Variants in RPS6KC1 observed in about 807,000 individuals in gnomAD.
The protein encoded by RPS6KC1 is inactive ribosomal protein S6 kinase delta-1.
In RPS6KC1, 54 loss-of-function variants were observed where a neutral mutation model predicts 103.8. The ratio of observed to expected loss-of-function variants is 0.52; its 90% confidence interval spans 0.42 to 0.65. The LOEUF (loss-of-function observed/expected upper bound fraction) is 0.65. Ranked by LOEUF, RPS6KC1 falls within the 30% of genes least tolerant of loss-of-function variation. The pLI, the probability that RPS6KC1 is intolerant of heterozygous loss-of-function variation, is 0.00. For synonymous variants in RPS6KC1, 439 were observed against 438.7 expected, an observed-to-expected ratio of 1.00 and a Z score of -0.01; for missense variants, 1,151 against 1,253.8, an observed-to-expected ratio of 0.92 and a Z score of 1.24.
the RPS6KC1 span, among the ~76,000 whole-genome samples, chr1:213,334,465 G>A: frequency 6.6e-6 from 1 of 152,200 alleles, no homozygotes; most frequent in Non-Finnish European, 1.5e-5. Flanking sequence ...CAAATGAAAT[G>A]TATCAGCAAC....
chr1:213,771,873 G>A, the RPS6KC1 span, among the ~76,000 whole-genome samples: 7,541 of 152,246 alleles, frequency 0.05, 243 homozygotes, highest in Non-Finnish European at 0.07. Context: ...AGAAGCGAAG[G>A]TATTGCTTAA....
the RPS6KC1 span, among the ~76,000 whole-genome samples, chr1:213,403,428 G>A: frequency 1.3e-5 from 2 of 152,126 alleles, no homozygotes; most frequent in Non-Finnish European, 2.9e-5. Context: ...CCTTTAGGCC[G>A]AGGATAGTAA....
the RPS6KC1 span, among the ~76,000 whole-genome samples, chr1:213,841,723 A>G: frequency 6.6e-6 from 1 of 152,192 alleles, no homozygotes. Context: ...CAGTTTCTTA[A>G]TGATAAAATC....
chr1:213,486,048 T>G, the RPS6KC1 span, among the ~76,000 whole-genome samples: 1 of 152,216 alleles, frequency 6.6e-6, no homozygotes, highest in Non-Finnish European at 1.5e-5. Context: ...ATCATCAGCT[T>G]GATAGTCTAA....
At chr1:213,428,446 C>T in the RPS6KC1 span, among the ~76,000 whole-genome samples, 5 of 109,820 alleles carry the variant, frequency 4.6e-5, no homozygotes, top group Middle Eastern at 5.1e-3. Context: ...CCCTCCATCC[C>T]TCCCTCCCTT....
At chr1:213,082,067 GT>G (rs1166571285) in intron 3 of RPS6KC1, among the ~76,000 whole-genome samples, 1 of 152,124 alleles carries the variant, frequency 6.6e-6, no homozygotes, top group Non-Finnish European at 1.5e-5. Context: ...ATGTGGAGTG[GT>G]TTTGAAATGA....
the RPS6KC1 span, among the ~76,000 whole-genome samples, chr1:213,494,022 T>C: frequency 6.6e-5 from 10 of 152,090 alleles, no homozygotes; most frequent in Non-Finnish European, 8.8e-5. Context: ...AATCTGTAGG[T>C]AAACAAGCCT....
the RPS6KC1 span, among the ~76,000 whole-genome samples, chr1:213,296,677 A>G: frequency 2.0e-5 from 3 of 152,214 alleles, no homozygotes; most frequent in Non-Finnish European, 4.4e-5. Flanking sequence ...GAATAGGAAG[A>G]GCCAGCTGAA....
chr1:213,201,089 A>G (rs1427034386), intron 8 of RPS6KC1, among the ~76,000 whole-genome samples: 1 of 152,228 alleles, frequency 6.6e-6, no homozygotes. Context: ...TTGCCTATGT[A>G]ACAAACCTGC....
chr1:213,810,109 G>T, the RPS6KC1 span, among the ~76,000 whole-genome samples: 13 of 152,274 alleles, frequency 8.5e-5, no homozygotes, highest in Admixed American at 7.2e-4. Flanking sequence ...GAGAAGCCTT[G>T]GAGGGCCTGG....
At chr1:213,312,906 T>A in the RPS6KC1 span, among the ~76,000 whole-genome samples, 1 of 152,226 alleles carries the variant, frequency 6.6e-6, no homozygotes. Context: ...GTGGGTTCTG[T>A]TTAACAGATG....
the RPS6KC1 span, among the ~76,000 whole-genome samples, chr1:213,363,695 T>TCTC: frequency 3.7e-5 from 3 of 80,860 alleles, no homozygotes; most frequent in Non-Finnish European, 7.3e-5. Context: ...TCTTTCTTTC[T>TCTC]TTCTTTCCTT....
chr1:213,644,819 T>A, the RPS6KC1 span, among the ~76,000 whole-genome samples: 1 of 152,184 alleles, frequency 6.6e-6, no homozygotes, highest in East Asian at 1.9e-4. Flanking sequence ...CAGGAGTTTT[T>A]AAGATCTTTT....
the RPS6KC1 span, among the ~76,000 whole-genome samples, chr1:213,692,849 A>T: frequency 6.6e-6 from 1 of 152,088 alleles, no homozygotes; most frequent in African/African-American, 2.4e-5. Context: ...GCTATGACCA[A>T]TTATTATTTT....
the RPS6KC1 span, among the ~76,000 whole-genome samples, chr1:213,395,887 G>A: frequency 6.6e-6 from 1 of 152,204 alleles, no homozygotes; most frequent in Admixed American, 6.5e-5. Context: ...GGCAGCACAA[G>A]GCAGTGCGAA....
the RPS6KC1 span, among the ~76,000 whole-genome samples, chr1:213,812,992 C>T: frequency 6.6e-6 from 1 of 152,052 alleles, no homozygotes; most frequent in Non-Finnish European, 1.5e-5. Flanking sequence ...GTGGCTCAAA[C>T]CTGTAATCCC....
chr1:213,523,689 A>T, the RPS6KC1 span, among the ~76,000 whole-genome samples: 2 of 152,210 alleles, frequency 1.3e-5, no homozygotes, highest in African/African-American at 4.8e-5. Flanking sequence ...AGTGGGGGTT[A>T]CAGAAATTAA....
At chr1:213,740,758 A>C in the RPS6KC1 span, among the ~76,000 whole-genome samples, 22 of 114,754 alleles carry the variant, frequency 1.9e-4, no homozygotes, top group South Asian at 1.6e-3. Flanking sequence ...ACATATATAC[A>C]TCTCAGATAT....
intron 6 of RPS6KC1, among the ~76,000 whole-genome samples, chr1:213,148,178 C>T (rs2088114775): frequency 1.3e-5 from 2 of 152,110 alleles, no homozygotes; most frequent in Non-Finnish European, 1.5e-5. Flanking sequence ...TTTAGATGCC[C>T]TTTATATCTT....
Sources: gnomAD v4.1 joint callset for allele counts (sites outside exome capture counted in the v4.1 genomes callset) on GRCh38, gnomAD v4.1.1 for gene constraint, MANE v1.5 for transcripts, NCBI Gene and HGNC (gene_info 2026-07-23, HGNC 2026-07-21) for gene names.